Variants in ILDR2 observed in about 807,000 individuals in gnomAD.
ILDR2 encodes the protein immunoglobulin like domain containing receptor 2, also known as immunoglobulin-like domain-containing receptor 2.
A neutral mutation model predicts 66.8 loss-of-function variants in ILDR2; 25 were observed. The observed-to-expected ratio is 0.37, with a 90% CI of 0.27 to 0.52. The LOEUF (loss-of-function observed/expected upper bound fraction) is 0.52. Ranked by LOEUF, ILDR2 falls within the 20% of genes least tolerant of loss-of-function variation. The pLI is 0.88. For missense variants in ILDR2, 827 were observed against 876.8 expected, an observed-to-expected ratio of 0.94 and a Z score of 0.72; for synonymous variants, 367 against 357.2, an observed-to-expected ratio of 1.03 and a Z score of -0.31.
chr1:166,949,472 T>C (rs1661840363), intron 3 of ILDR2, among the ~76,000 whole-genome samples: 1 of 152,248 alleles, frequency 6.6e-6, no homozygotes, highest in African/African-American at 2.4e-5. Context: ...GGATATAATA[T>C]GCAAAAAATA....
intron 1 of ILDR2, among the ~76,000 whole-genome samples, chr1:166,967,543 G>A (rs1663034577): frequency 6.6e-6 from 1 of 152,140 alleles, no homozygotes; most frequent in Non-Finnish European, 1.5e-5. Flanking sequence ...GATTGTTTCA[G>A]GCTAGGAGTT....
rs59745587 is a variant in ILDR2 at position 166,973,612 on chromosome 1, TCCC to T, written c.46+1608_46+1610del. Among the ~76,000 whole-genome samples the T allele has an allele frequency of 2.6e-3, 166 of 64,990 alleles. 9 individuals are homozygous for T. Among genetic ancestry groups the T allele is most frequent in the Middle Eastern group, 0.018 (2 of 110 alleles). The allele number at this position is 64,990 out of a possible 152,430, so 42.6% of individuals were successfully genotyped here. ...AGAGCACCTCTGACTCAGGGACCCC[TCCC>T]CCCCCCCCCCGATGCCTGGCTGACT... On this transcript the variant is annotated intron_variant, in intron 1 of 9. Transcript: ENST00000271417.
intron 6 of ILDR2, among the ~76,000 whole-genome samples, chr1:166,930,982 G>A (rs80197915): frequency 6.6e-6 from 1 of 152,288 alleles, no homozygotes; most frequent in African/African-American, 2.4e-5. Flanking sequence ...CCCCAGTGAT[G>A]TTTCAGTTTA....
chr1:166,954,410 C>G (rs892114759), intron 3 of ILDR2, among the ~76,000 whole-genome samples: 3 of 152,156 alleles, frequency 2.0e-5, no homozygotes, highest in Non-Finnish European at 4.4e-5. Context: ...AAATACAGTG[C>G]TTTATGGACT....
chr1:166,967,754 TCAAAACAAAA>T (rs776397504), intron 1 of ILDR2, among the ~76,000 whole-genome samples: 1 of 152,128 alleles, frequency 6.6e-6, no homozygotes, highest in African/African-American at 2.4e-5. Flanking sequence ...GGACTCTGTC[TCAAAACAAAA>T]CAAAACAAAA....
chr1:166,969,173 T>A (rs1450683762), intron 1 of ILDR2, among the ~76,000 whole-genome samples: 12 of 152,088 alleles, frequency 7.9e-5, no homozygotes, highest in Non-Finnish European at 1.5e-5. Context: ...CCAGGTCAGT[T>A]TGAGCCTCAC....
intron 9 of ILDR2, among the ~76,000 whole-genome samples, chr1:166,920,086 G>A (rs1486577567): frequency 6.6e-6 from 1 of 152,170 alleles, no homozygotes; most frequent in East Asian, 1.9e-4. Flanking sequence ...GTCTATATAA[G>A]ACCACTTACA....
chr1:166,956,267 T>C (rs1187907295), intron 3 of ILDR2, among the ~76,000 whole-genome samples: 3 of 152,216 alleles, frequency 2.0e-5, no homozygotes, highest in Admixed American at 1.3e-4. Context: ...CTCTCTAGTT[T>C]ACAGCTGTCT....
At chr1:166,905,038 C>T (rs1571256088), downstream of ILDR2, among the ~76,000 whole-genome samples, 1 of 152,210 alleles carries the variant, frequency 6.6e-6, no homozygotes, top group Non-Finnish European at 1.5e-5. Flanking sequence ...ACCAGTTTAA[C>T]CTATGGCCCT....
chr1:166,930,376 A>C (rs1660563388), intron 6 of ILDR2, among the ~76,000 whole-genome samples: 1 of 152,222 alleles, frequency 6.6e-6, no homozygotes, highest in African/African-American at 2.4e-5. Context: ...CTTCTTAGTC[A>C]CAGCAGCCCA....
chr1:166,925,716 G>A (rs36110323), intron 7 of ILDR2, among the ~76,000 whole-genome samples: 21,159 of 152,190 alleles, frequency 0.14, 1,728 homozygotes, highest in Middle Eastern at 0.18. Context: ...GGTTAACCTA[G>A]GCCATCTCTA....
At position 166,928,451 on chromosome 1, in the gene ILDR2, A is replaced by G. The variant is rs189527167; in HGVS notation, c.881-1271T>C. Among the ~76,000 whole-genome samples, 3 of 152,348 alleles carry G rather than the reference A, an allele frequency of 2.0e-5. No homozygotes were observed. The East Asian group carries it at 5.8e-4, about 29-fold the overall frequency. On this transcript the variant is annotated intron_variant, in intron 6 of 9. Transcript: ENST00000271417. ...GAGTAAGAACTGCTTTAGCTATGCC[A>G]TGGGTTGTATGGTCTGCACAGCATG...
At position 166,914,534 on chromosome 1, in the gene ILDR2, G is replaced by A. The variant is rs1404090871; in HGVS notation, c.*4821C>T. 6.6e-6 allele frequency: 1 copy of A among 152,170 alleles called. No individual in the cohort carries two copies. 9.4% of individuals were successfully genotyped at this position (152,170 alleles called of 1,614,324 possible). ...CCTCTATCACAGCAGTTGATGTTGGGATCAAATGAAAGTGTTCTGTAAACA... is the reference window on the plus strand; with the variant it reads ...CCTCTATCACAGCAGTTGATGTTGGAATCAAATGAAAGTGTTCTGTAAACA... On this transcript the variant is annotated 3_prime_UTR_variant, in exon 10 of 10. Coordinates refer to ENST00000271417, the MANE Select transcript of ILDR2 (RefSeq NM_199351.3).
Position 166,914,127 on chromosome 1 carries a change from A to AG in ILDR2, c.*5227_*5228insC, listed in dbSNP as rs1279281147. ...GCAAGACCCTGTCTCAAAAAAAAAAAAAAGAAAGAAAAAGAAAACGAAACT... is the reference window on the plus strand; with the variant it reads ...GCAAGACCCTGTCTCAAAAAAAAAAAGAAAGAAAGAAAAAGAAAACGAAACT... On this transcript the variant is annotated 3_prime_UTR_variant, in exon 10 of 10. Transcript: ENST00000271417. 3.9e-5 allele frequency: 6 copies of AG among 152,656 alleles called. No homozygotes were observed. Among genetic ancestry groups the AG allele is most frequent in the South Asian group, 2.1e-4 (1 of 4,826 alleles). 9.5% of individuals were successfully genotyped at this position (152,656 alleles called of 1,614,324 possible). A position where few individuals can be genotyped will look rare whatever the true frequency, so the allele number is the denominator to read the frequency against.
At chr1:166,897,078 T>C (rs922682015) in intron 2 of ILDR2, among the ~76,000 whole-genome samples, 3 of 152,194 alleles carry the variant, frequency 2.0e-5, no homozygotes, top group African/African-American at 7.2e-5. Context: ...TATGATCATG[T>C]TGGGGCTTTA....
rs1392673184 is a variant in ILDR2 at position 166,975,326 on chromosome 1, G to T, written c.-58C>A. 9 of 1,529,000 alleles carry T rather than the reference G, an allele frequency of 5.9e-6. No individual in the cohort carries two copies. The highest frequency in any genetic ancestry group is 1.7e-5 in the Admixed American group (1 of 58,272). The allele number at this position is 1,529,000 out of a possible 1,614,324, so 94.7% of individuals were successfully genotyped here. ...AGGAAAGTGGGAAATGGCTGGAACA[G>T]AAGGATCGCTGTCACCCCGCGGCAG... On this transcript the variant is annotated 5_prime_UTR_variant, in exon 1 of 10. In the 5' UTR this introduces an upstream ATG that the reference lacks. Transcript: ENST00000271417.
At chr1:166,973,947 A>G (rs189206235) in intron 1 of ILDR2, among the ~76,000 whole-genome samples, 2 of 152,304 alleles carry the variant, frequency 1.3e-5, no homozygotes, top group East Asian at 3.9e-4. Flanking sequence ...TTGAAATGGG[A>G]AAAATATTTA....
chr1:166,975,273 C>G lies in ILDR2; in HGVS notation c.-5G>C. 6.2e-7 allele frequency: 1 copy of G among 1,613,154 alleles called. No individual in the cohort carries two copies. The highest frequency in any genetic ancestry group is 8.5e-7 in the Non-Finnish European group (1 of 1,179,274). On this transcript the variant is annotated 5_prime_UTR_variant, in exon 1 of 10. Coordinates refer to ENST00000271417, the MANE Select transcript of ILDR2 (RefSeq NM_199351.3). ...CCTCAGCAAGACCCTATCCATCTTCCCCAACTTCCCAGCCGAATTACGGAG... is the reference window on the plus strand; with the variant it reads ...CCTCAGCAAGACCCTATCCATCTTCGCCAACTTCCCAGCCGAATTACGGAG...
In ILDR2 at chr1:166,975,417, A is replaced by T. The variant is rs1663535478; in HGVS notation, c.-149T>A. ...GCAGCGCCCGCCGGGCCGGCCGCGC[A>T]GGCGGGGCCGGGGGCTGGATCGCGC... On this transcript the variant is annotated 5_prime_UTR_variant, in exon 1 of 10. Coordinates refer to ENST00000271417, the MANE Select transcript of ILDR2 (RefSeq NM_199351.3). 1 of 210,078 alleles carries T rather than the reference A, an allele frequency of 4.8e-6. No individual in the cohort carries two copies. Among genetic ancestry groups the T allele is most frequent in the South Asian group, 1.6e-4 (1 of 6,166 alleles). 13.0% of individuals were successfully genotyped at this position (210,078 alleles called of 1,614,324 possible).
Sources: gnomAD v4.1 joint callset for allele counts (sites outside exome capture counted in the v4.1 genomes callset) on GRCh38, gnomAD v4.1.1 for gene constraint, MANE v1.5 for transcripts, NCBI Gene and HGNC (gene_info 2026-07-23, HGNC 2026-07-21) for gene names.